The following SPATS2L variants were observed in gnomAD, a reference collection of about 807,000 sequenced individuals.
SPATS2L encodes spermatogenesis associated serine rich 2 like.
SPATS2L carries 30 observed loss-of-function variants against 59.6 expected under a neutral mutation model. That is an observed-to-expected ratio of 0.50 (90% CI 0.38 to 0.68). The LOEUF is 0.68. Among genes scored for constraint, SPATS2L ranks in the 30% least tolerant of loss-of-function variants. The pLI, the probability that SPATS2L is intolerant of heterozygous loss-of-function variation, is 0.00. For synonymous variants in SPATS2L, 252 were observed against 263.5 expected (o/e 0.96, Z 0.42); for missense variants, 615 against 700.0 (o/e 0.88, Z 1.37).
At chr2:200,455,753 G>A (rs1231226348) in intron 8 of SPATS2L, among the ~76,000 whole-genome samples, 1 of 152,064 alleles carries the variant, frequency 6.6e-6, no homozygotes, top group East Asian at 1.9e-4. Flanking sequence ...TTTGCCAAGT[G>A]CCCTCTGTCC....
chr2:200,422,353 A>G (rs1035375277), intron 6 of SPATS2L, among the ~76,000 whole-genome samples: 1 of 152,076 alleles, frequency 6.6e-6, no homozygotes, highest in Non-Finnish European at 1.5e-5. Context: ...CCTGGGCAAC[A>G]TGGCAAAACC....
chr2:200,459,623 A>G, intron 8 of SPATS2L, 146 bp from the exon 9 acceptor site: 1 of 635,304 alleles, frequency 1.6e-6, no homozygotes, highest in Non-Finnish European at 2.7e-6. Flanking sequence ...GGAGAGGCAG[A>G]GTGTACTGCT....
Position 200,477,855 on chromosome 2 carries a change from G to A in SPATS2L, c.1501G>A (p.Ala501Thr). ...EASLGMKTPE[A>T]PAHSEKPRRR... is the part of the protein sequence containing the mutation. ...TTCCTTGGGGATGAAGACCCCCGAG[G>A]CCCCGGCCCATTCTGAAAAGCCCCG... The change falls in exon 13 of 13, where the codon GCC (alanine) becomes ACC (threonine). Residue 501 changes from alanine (A) to threonine (T), a missense_variant. Coordinates refer to ENST00000409140, the MANE Select transcript of SPATS2L (RefSeq NM_001100423.2). 2.5e-6 allele frequency: 4 copies of A among 1,592,566 alleles called. No individual in the cohort carries two copies. Among genetic ancestry groups the A allele is most frequent in the Non-Finnish European group, 3.4e-6 (4 of 1,169,464 alleles).
At chr2:200,390,540 A>G (rs899477972) in intron 3 of SPATS2L, 2 of 152,484 alleles carry the variant, frequency 1.3e-5, no homozygotes, top group Admixed American at 6.5e-5. Flanking sequence ...ACAACCATAC[A>G]AAGATCTGAG....
At chr2:200,476,613 CA>C (rs2087538409) in intron 12 of SPATS2L, among the ~76,000 whole-genome samples, 2 of 152,188 alleles carry the variant, frequency 1.3e-5, no homozygotes, top group African/African-American at 2.4e-5. Flanking sequence ...CACTTTTGGC[CA>C]CCGGCAGGAT....
intron 2 of SPATS2L, among the ~76,000 whole-genome samples, chr2:200,354,349 C>T (rs1162510579): frequency 2.6e-5 from 4 of 152,186 alleles, no homozygotes; most frequent in African/African-American, 9.6e-5. Flanking sequence ...TGGCTCACAC[C>T]TGTAATCCCA....
chr2:200,425,381 T>C (rs2083508534), intron 6 of SPATS2L, among the ~76,000 whole-genome samples: 1 of 152,108 alleles, frequency 6.6e-6, no homozygotes, highest in Admixed American at 6.5e-5. Context: ...GTCAAATGTG[T>C]GTATCTAGGA....
At chr2:200,361,378 T>A (rs2081101980) in intron 2 of SPATS2L, among the ~76,000 whole-genome samples, 1 of 152,078 alleles carries the variant, frequency 6.6e-6, no homozygotes, top group South Asian at 2.1e-4. Context: ...GTTGAGATAA[T>A]CTCCATCCTC....
intron 12 of SPATS2L, among the ~76,000 whole-genome samples, chr2:200,474,591 C>A (rs1403387905): frequency 6.6e-6 from 1 of 152,172 alleles, no homozygotes; most frequent in African/African-American, 2.4e-5. Context: ...GCATGAGCCA[C>A]CATGCCTGGC....
intron 8 of SPATS2L, among the ~76,000 whole-genome samples, chr2:200,444,770 A>C (rs1267027489): frequency 6.6e-6 from 1 of 152,048 alleles, no homozygotes; most frequent in Non-Finnish European, 1.5e-5. Context: ...CCTGCGTCTT[A>C]GAGTTTCCTC....
intron 5 of SPATS2L, among the ~76,000 whole-genome samples, chr2:200,418,245 A>G (rs995600774): frequency 6.6e-6 from 1 of 152,124 alleles, no homozygotes; most frequent in Non-Finnish European, 1.5e-5. Flanking sequence ...TCACTTTGGC[A>G]TTACCTTGAA....
intron 6 of SPATS2L, among the ~76,000 whole-genome samples, chr2:200,437,851 G>A (rs1185817462): frequency 1.3e-5 from 2 of 152,150 alleles, no homozygotes; most frequent in African/African-American, 4.8e-5. Context: ...TTTTTCAAGT[G>A]TAGTCTCTGA....
intron 2 of SPATS2L, among the ~76,000 whole-genome samples, chr2:200,385,128 T>A (rs1481114767): frequency 6.6e-6 from 1 of 152,218 alleles, no homozygotes; most frequent in Non-Finnish European, 1.5e-5. Flanking sequence ...CATATTAAGG[T>A]ATGAGTATTC....
chr2:200,383,500 A>AGCC (rs2105914654), intron 2 of SPATS2L, among the ~76,000 whole-genome samples: 1 of 152,230 alleles, frequency 6.6e-6, no homozygotes, highest in Non-Finnish European at 1.5e-5. Context: ...TTGCATGAAA[A>AGCC]TGACCTGGGA....
intron 2 of SPATS2L, among the ~76,000 whole-genome samples, chr2:200,369,635 T>G (rs2081366963): frequency 6.6e-6 from 1 of 151,652 alleles, no homozygotes; most frequent in East Asian, 1.9e-4. Flanking sequence ...TAAGTATAAA[T>G]TAAGTATAAT....
chr2:200,310,803 C>T (rs1256416799), intron 1 of SPATS2L, among the ~76,000 whole-genome samples: 1 of 152,168 alleles, frequency 6.6e-6, no homozygotes, highest in African/African-American at 2.4e-5. Flanking sequence ...TTCATGTGTC[C>T]TTTTTTGTTC....
chr2:200,368,356 A>G (rs1490191112), intron 2 of SPATS2L, among the ~76,000 whole-genome samples: 1 of 152,202 alleles, frequency 6.6e-6, no homozygotes, highest in African/African-American at 2.4e-5. Flanking sequence ...CAAAAATGAC[A>G]CAGAGGTAGT....
intron 3 of SPATS2L, among the ~76,000 whole-genome samples, chr2:200,409,775 A>G (rs987034063): frequency 2.6e-5 from 4 of 152,198 alleles, no homozygotes; most frequent in Admixed American, 6.5e-5. Flanking sequence ...GTTATTGACA[A>G]TTTTCTAAGG....
At chr2:200,463,555 A>G (rs199547140) in intron 9 of SPATS2L, among the ~76,000 whole-genome samples, 1 of 152,198 alleles carries the variant, frequency 6.6e-6, no homozygotes, top group East Asian at 1.9e-4. Flanking sequence ...GAAACACCTC[A>G]TGTATGTTAT....
Sources: gnomAD v4.1 joint callset for allele counts (sites outside exome capture counted in the v4.1 genomes callset) on GRCh38, gnomAD v4.1.1 for gene constraint, MANE v1.5 for transcripts, NCBI Gene and HGNC (gene_info 2026-07-23, HGNC 2026-07-21) for gene names.